Variants in CLVS1 observed in about 807,000 individuals in gnomAD.
CLVS1 encodes clavesin-1.
CLVS1 carries 10 observed loss-of-function variants against 33.1 expected under a neutral mutation model. The observed-to-expected ratio is 0.30, with a 90% CI of 0.19 to 0.51. The LOEUF is 0.51. Ranked by LOEUF, CLVS1 falls within the 20% of genes least tolerant of loss-of-function variation. The pLI is 0.97. For missense variants in CLVS1, 343 were observed against 433.4 expected, an observed-to-expected ratio of 0.79 and a Z score of 1.85; for synonymous variants, 163 against 166.1, an observed-to-expected ratio of 0.98 and a Z score of 0.14.
intron 1 of CLVS1, among the ~76,000 whole-genome samples, chr8:61,077,142 C>T (rs934482140): frequency 5.9e-5 from 9 of 151,944 alleles, no homozygotes; most frequent in Admixed American, 3.3e-4. Context: ...GGCGCGATCT[C>T]GGCTCACTGC....
chr8:61,297,857 T>C (rs1038641581), intron 1 of CLVS1, among the ~76,000 whole-genome samples: 22 of 152,232 alleles, frequency 1.4e-4, no homozygotes, highest in Admixed American at 7.2e-4. Flanking sequence ...AAGGATGATG[T>C]AATCAACATC....
chr8:61,187,529 A>C (rs1238174982), intron 2 of CLVS1, among the ~76,000 whole-genome samples: 1 of 152,114 alleles, frequency 6.6e-6, no homozygotes, highest in Non-Finnish European at 1.5e-5. Flanking sequence ...TACTCATCTC[A>C]CTCAATCTTT....
chr8:61,260,829 T>C (rs1278577034), intron 2 of CLVS1, among the ~76,000 whole-genome samples: 1 of 151,934 alleles, frequency 6.6e-6, no homozygotes, highest in African/African-American at 2.4e-5. Flanking sequence ...AGAAAGTGAG[T>C]CAAGGGGGAG....
intron 3 of CLVS1, among the ~76,000 whole-genome samples, chr8:61,420,156 A>G (rs1430492341): frequency 6.6e-6 from 1 of 152,188 alleles, no homozygotes; most frequent in East Asian, 1.9e-4. Context: ...GTCTTAGGGT[A>G]GGTTAGTTAA....
intron 1 of CLVS1, among the ~76,000 whole-genome samples, chr8:61,296,842 C>G (rs1045825123): frequency 1.5e-4 from 23 of 152,168 alleles, no homozygotes; most frequent in African/African-American, 4.3e-4. Flanking sequence ...ATGGAGCTGA[C>G]TCTTTTGGCC....
intron 2 of CLVS1, among the ~76,000 whole-genome samples, chr8:61,257,609 G>A (rs1809113034): frequency 6.6e-6 from 1 of 152,114 alleles, no homozygotes. Context: ...ACGTTACAGT[G>A]GGCTTACTGA....
intron 2 of CLVS1, among the ~76,000 whole-genome samples, chr8:61,210,221 G>C (rs992133465): frequency 3.9e-5 from 6 of 152,188 alleles, no homozygotes; most frequent in African/African-American, 1.2e-4. Flanking sequence ...TAATGACTGG[G>C]TTAGTGTTCT....
the CLVS1 span, among the ~76,000 whole-genome samples, chr8:61,022,917 C>T: frequency 1.2e-4 from 18 of 152,252 alleles, no homozygotes; most frequent in Non-Finnish European, 2.4e-4. Flanking sequence ...ATAATGTGTG[C>T]GCCGGAGCTA....
intron 5 of CLVS1, among the ~76,000 whole-genome samples, chr8:61,479,991 C>T (rs553308661): frequency 6.6e-6 from 1 of 152,360 alleles, no homozygotes; most frequent in East Asian, 1.9e-4. Flanking sequence ...CAGTCCTCCC[C>T]TACTGGAGGG....
At chr8:60,965,813 T>C in the CLVS1 span, 1 of 152,572 alleles carries the variant, frequency 6.6e-6, no homozygotes, top group African/African-American at 2.4e-5. Flanking sequence ...TTTGTTTTTT[T>C]GTTTTTTGTT....
At chr8:60,966,413 T>G in the CLVS1 span, 1 of 455,952 alleles carries the variant, frequency 2.2e-6, no homozygotes. Flanking sequence ...CAGTGCTGCT[T>G]TGGTCACTGC....
intron 1 of CLVS1, among the ~76,000 whole-genome samples, chr8:61,082,084 A>G (rs1805030048): frequency 1.3e-5 from 2 of 152,220 alleles, no homozygotes; most frequent in South Asian, 4.1e-4. Flanking sequence ...GCAAGAATGG[A>G]TGGGTAAGGT....
intron 5 of CLVS1, among the ~76,000 whole-genome samples, chr8:61,495,532 T>A (rs1290486554): frequency 6.6e-6 from 1 of 152,152 alleles, no homozygotes; most frequent in East Asian, 1.9e-4. Context: ...TCCCAGATAA[T>A]CATTTGGATG....
intron 5 of CLVS1, chr8:61,465,413 T>C (rs1222827772): frequency 6.6e-6 from 1 of 152,176 alleles, no homozygotes; most frequent in Non-Finnish European, 1.5e-5. Context: ...CCCGGAACTC[T>C]CAGTGAATGA....
chr8:61,287,960 G>C (rs563836023), upstream of CLVS1: 4 of 383,400 alleles, frequency 1.0e-5, no homozygotes, highest in Non-Finnish European at 2.1e-5. Context: ...ACAGAGAATC[G>C]GGCGCACACG....
chr8:61,357,379 T>A (rs1812759519), intron 2 of CLVS1, among the ~76,000 whole-genome samples: 1 of 151,800 alleles, frequency 6.6e-6, no homozygotes, highest in South Asian at 2.1e-4. Context: ...AAAACAACCA[T>A]GCAAAATGAT....
chr8:61,374,935 A>G (rs1482317614), intron 2 of CLVS1, among the ~76,000 whole-genome samples: 1 of 152,218 alleles, frequency 6.6e-6, no homozygotes, highest in African/African-American at 2.4e-5. Context: ...ATACAGAAAC[A>G]GAATGGGCTA....
At position 61,422,235 on chromosome 8, in the gene CLVS1, A is replaced by C. The variant is rs548270829; in HGVS notation, c.631-31906A>C. ...ATAGTCTGACCTAATGTCAATGGGC[A>C]TATACATACATGTGTGAAATTGGAG... On this transcript the variant is annotated intron_variant, in intron 3 of 5. Coordinates refer to ENST00000325897, the MANE Select transcript of CLVS1 (RefSeq NM_173519.3). Among the ~76,000 whole-genome samples, 6 of 152,324 alleles carry C rather than the reference A, an allele frequency of 3.9e-5. No homozygotes were observed. The East Asian group carries it at 9.7e-4, about 25-fold the overall frequency.
At chr8:61,054,310 G>C (rs1417615117), upstream of CLVS1, among the ~76,000 whole-genome samples, 1 of 152,192 alleles carries the variant, frequency 6.6e-6, no homozygotes, top group Non-Finnish European at 1.5e-5. Flanking sequence ...AGAGAAGCTG[G>C]GTGAGGATAT....
Sources: allele counts gnomAD v4.1 joint callset (sites outside exome capture counted in the v4.1 genomes callset), GRCh38; gene constraint gnomAD v4.1.1; transcripts MANE v1.5; gene names NCBI Gene and HGNC (gene_info 2026-07-23, HGNC 2026-07-21).